ADGRD2: variants seen among roughly 807,000 people sequenced by gnomAD.
ADGRD2 encodes the protein adhesion G protein-coupled receptor D2, also known as G protein-coupled receptor PGR24.
In ADGRD2, 71 loss-of-function variants were observed where a neutral mutation model predicts 44.4. The observed-to-expected ratio is 1.60, with a 90% confidence interval of 1.32 to 1.95. The LOEUF (loss-of-function observed/expected upper bound fraction) is 1.95, where lower values mean the gene tolerates loss of function less well. Ranked by LOEUF, ADGRD2 falls within the 30% of genes most tolerant of loss-of-function variation. The pLI, the probability that ADGRD2 is intolerant of heterozygous loss-of-function variation, is 0.00. For missense variants in ADGRD2, 1,039 were observed against 512.4 expected, an observed-to-expected ratio of 2.03 and a Z score of -9.92; for synonymous variants, 481 against 224.8, an observed-to-expected ratio of 2.14 and a Z score of -10.19.
chr9:124,453,302 T>C (rs2131224144), exon 3 of ADGRD2: 1 of 484,234 alleles, frequency 2.1e-6, no homozygotes, highest in Non-Finnish European at 3.6e-6. Context: ...CTCGCAGCCT[T>C]CCGCGCCGAC....
intron 8 of ADGRD2, 29 bp downstream of exon 11, chr9:124,457,635 C>T: frequency 1.7e-6 from 1 of 587,838 alleles, no homozygotes; most frequent in Non-Finnish European, 3.1e-6. Context: ...GTGTCCAGAG[C>T]CCTGTTGGGT....
chr9:124,464,515 A>T (rs1318334159), intron 10 of ADGRD2, among the ~76,000 whole-genome samples: 1 of 152,140 alleles, frequency 6.6e-6, no homozygotes, highest in Non-Finnish European at 1.5e-5. Context: ...GATCAGCTAC[A>T]ATAAAGGACA....
rs764331348 is a variant in ADGRD2 at position 124,457,572 on chromosome 9, T to A, written c.1608T>A (p.Ile536=). 4 of 677,268 alleles carry A rather than the reference T, an allele frequency of 5.9e-6. No individual in the cohort carries two copies. The South Asian group carries it at 6.3e-5, about 11-fold the overall frequency. The allele number at this position is 677,268 out of a possible 1,614,324, so 42.0% of individuals were successfully genotyped here. ...CAGAGGGGCCCGGCCATATCCACATTCCTGCGAGTGAAGTGAGGCGACTCC... is the reference window on the plus strand; with the variant it reads ...CAGAGGGGCCCGGCCATATCCACATACCTGCGAGTGAAGTGAGGCGACTCC... Residue 536 remains isoleucine, a synonymous_variant, in exon 8 of 22, where the codon ATT becomes ATA. Transcript: ENST00000334810.
intron 16 of ADGRD2, 94 bp from the exon 20 acceptor site, chr9:124,470,400 G>C (rs1209143093): frequency 1.6e-6 from 1 of 626,990 alleles, no homozygotes; most frequent in Non-Finnish European, 2.9e-6. Context: ...CTCCCACCCC[G>C]CTCCAGGCAC....
chr9:124,454,949 T>C lies in ADGRD2; in HGVS notation c.1217T>C (p.Leu406Pro), dbSNP rs1588600143. ...GTCCTGGCGATGGAGATGGCTCCCCTGGGGCCGGCCGCACTGCTGGCTGTT... is the reference window on the plus strand; with the variant it reads ...GTCCTGGCGATGGAGATGGCTCCCCCGGGGCCGGCCGCACTGCTGGCTGTT... The change falls in exon 6 of 22, where the codon CTG becomes CCG. Residue 406 changes from leucine to proline, a missense_variant. Transcript: ENST00000334810. The surrounding 1 kb of genome is among the most constrained non-coding windows in gnomAD (Gnocchi z 4.5). 1 of 717,852 alleles carries C rather than the reference T, an allele frequency of 1.4e-6. No individual in the cohort carries two copies. Among genetic ancestry groups the C allele is most frequent in the East Asian group, 2.7e-5 (1 of 37,294 alleles). 44.5% of individuals were successfully genotyped at this position (717,852 alleles called of 1,614,324 possible). A position where few individuals can be genotyped will look rare whatever the true frequency, so the allele number is the denominator to read the frequency against.
At chr9:124,473,882 G>T (rs1294365620) in intron 17 of ADGRD2, among the ~76,000 whole-genome samples, 2 of 151,970 alleles carry the variant, frequency 1.3e-5, no homozygotes, top group African/African-American at 4.8e-5. Flanking sequence ...GGCATGGTGG[G>T]GTCAAATGGT....
intron 17 of ADGRD2, among the ~76,000 whole-genome samples, chr9:124,473,961 G>C (rs1206425343): frequency 6.6e-6 from 1 of 152,092 alleles, no homozygotes. Context: ...GACAGAGTGG[G>C]GTCCTCAAAG....
At chr9:124,468,103 G>A (rs1410446728) in exon 13 of ADGRD2, 1 of 718,540 alleles carries the variant, frequency 1.4e-6, no homozygotes, top group Non-Finnish European at 2.6e-6. Flanking sequence ...CCAAGTCAGA[G>A]CGAACCACAG....
rs1353829400 is a variant in ADGRD2 at position 124,466,629 on chromosome 9, G to A, written c.2026+216G>A. 4 of 368,596 alleles carry A rather than the reference G, an allele frequency of 1.1e-5. No individual in the cohort carries two copies. The East Asian group carries it at 1.4e-4, about 13-fold the overall frequency. 22.8% of individuals were successfully genotyped at this position (368,596 alleles called of 1,614,324 possible). A position where few individuals can be genotyped will look rare whatever the true frequency, so the allele number is the denominator to read the frequency against. On this transcript the variant is annotated intron_variant, in intron 11 of 21. Transcript: ENST00000334810. ...GTTCAAGACCAGCCTGGGCAACATG[G>A]CAAAACCCCGTCTCTACCAAAAATG...
intron 17 of ADGRD2, among the ~76,000 whole-genome samples, chr9:124,472,200 G>T (rs985219998): frequency 6.6e-6 from 1 of 152,110 alleles, no homozygotes; most frequent in Non-Finnish European, 1.5e-5. Context: ...CCGTCGCACC[G>T]TCTCAGATCC....
chr9:124,469,515 C>G (rs1446447147), exon 16 of ADGRD2: 1 of 718,190 alleles, frequency 1.4e-6, no homozygotes. Flanking sequence ...GCCCACAGCC[C>G]TGCCTGCAGC....
At chr9:124,458,636 G>A (rs1386401283) in exon 10 of ADGRD2, 6 of 718,680 alleles carry the variant, frequency 8.3e-6, no homozygotes, top group African/African-American at 3.5e-5. Context: ...ACCCAGGTGG[G>A]GTCAGCCATC....
chr9:124,453,053 T>A (rs1831522893), exon 3 of ADGRD2: 1 of 675,348 alleles, frequency 1.5e-6, no homozygotes, highest in Admixed American at 2.3e-5. Context: ...ACCACCGCCG[T>A]GCTGGTGTTC....
chr9:124,476,557 G>A lies in ADGRD2; in HGVS notation c.2905-122G>A, dbSNP rs542217237. The stretch of plus-strand genomic sequence containing the variant: ...TCTGTTTCTCTGTTCTTGGGCTGAA[G>A]GGCCCAGGGAGGGGGAGCTGCTGGC... On this transcript the variant is annotated intron_variant, in intron 20 of 21. Coordinates refer to ENST00000334810, the Ensembl canonical transcript of ADGRD2. The A allele has an allele frequency of 4.1e-4, 259 of 637,834 alleles. No homozygotes were observed. The African/African-American group carries it at 4.2e-3, about 10-fold the overall frequency. The allele number at this position is 637,834 out of a possible 1,614,324, so 39.5% of individuals were successfully genotyped here. A position where few individuals can be genotyped will look rare whatever the true frequency, so the allele number is the denominator to read the frequency against.
At chr9:124,460,382 A>ATG (rs1390223171) in intron 10 of ADGRD2, among the ~76,000 whole-genome samples, 1 of 82,144 alleles carries the variant, frequency 1.2e-5, no homozygotes, top group African/African-American at 5.8e-5. Context: ...TTGTATATAT[A>ATG]TATATATTTT....
chr9:124,457,493 G>A (rs760075554), exon 8 of ADGRD2: 12 of 664,204 alleles, frequency 1.8e-5, no homozygotes, highest in Admixed American at 8.9e-5. Flanking sequence ...CGGAGCTTAC[G>A]CTTGAGGGAG....
Position 124,453,683 on chromosome 9 carries a change from C to T in ADGRD2, c.923+7C>T, listed in dbSNP as rs749150557. 47 of 692,550 alleles carry T rather than the reference C, an allele frequency of 6.8e-5. No homozygotes were observed. In the Admixed American group the frequency reaches 7.8e-4, roughly 11 times the overall value. The allele number at this position is 692,550 out of a possible 1,614,324, so 42.9% of individuals were successfully genotyped here. On this transcript the variant is annotated splice_region_variant and intron_variant, in intron 3 of 21. Transcript: ENST00000334810. The stretch of plus-strand genomic sequence containing the variant: ...GTGCGCCTTCTCTGTCCCGGTACGA[C>T]CCGCCCCGCCCCGGCCCCACCCCAT...
intron 1 of ADGRD2, 167 bp from the exon 5 acceptor site, chr9:124,452,343 G>A: frequency 3.1e-6 from 2 of 643,326 alleles, no homozygotes; most frequent in Non-Finnish European, 2.9e-6. Flanking sequence ...CGCAGATGAC[G>A]AAAAGAGCTC....
chr9:124,453,680 C>A lies in ADGRD2; in HGVS notation c.923+4C>A, dbSNP rs1036459738. The A allele has an allele frequency of 8.6e-6, 6 of 696,546 alleles. No homozygotes were observed. In the African/African-American group the frequency reaches 1.1e-4, roughly 12 times the overall value. 43.1% of individuals were successfully genotyped at this position (696,546 alleles called of 1,614,324 possible). On this transcript the variant is annotated splice_donor_region_variant and intron_variant, in intron 3 of 21. Coordinates refer to ENST00000334810, the Ensembl canonical transcript of ADGRD2. ...TGGGTGCGCCTTCTCTGTCCCGGTA[C>A]GACCCGCCCCGCCCCGGCCCCACCC...
Sources: gnomAD v4.1 joint callset for allele counts (sites outside exome capture counted in the v4.1 genomes callset) on GRCh38, gnomAD v4.1.1 for gene constraint, Gnocchi (gnomAD v3.1) non-coding constraint, MANE v1.5 for transcripts, NCBI Gene and HGNC (gene_info 2026-07-23, HGNC 2026-07-21) for gene names.